The following NF1 variants were observed in gnomAD, a reference collection of about 807,000 sequenced individuals.
The protein encoded by NF1 is neurofibromin 1.
In NF1, 122 loss-of-function variants were observed where a neutral mutation model predicts 325.7. That is an observed-to-expected ratio of 0.37 (90% CI 0.32 to 0.44). NF1 has a LOEUF of 0.44. Among genes scored for constraint, NF1 ranks in the 20% least tolerant of loss-of-function variants. The pLI is 1.00. For synonymous variants in NF1, 1,091 were observed against 1,186.0 expected, an observed-to-expected ratio of 0.92 and a Z score of 1.65; for missense variants, 2,140 against 3,415.4, an observed-to-expected ratio of 0.63 and a Z score of 9.31.
At chr17:31,270,698 C>G (rs2067877235) in intron 36 of NF1, among the ~76,000 whole-genome samples, 1 of 152,154 alleles carries the variant, frequency 6.6e-6, no homozygotes, top group Admixed American at 6.6e-5. Context: ...CTGGCAATTG[C>G]TTTTTGGGTG....
intron 1 of NF1, among the ~76,000 whole-genome samples, chr17:31,122,069 AAGTG>A (rs1388810525): frequency 6.6e-6 from 1 of 152,214 alleles, no homozygotes; most frequent in Non-Finnish European, 1.5e-5. Flanking sequence ...AGTATTAAGC[AAGTG>A]AGTGGCATGC....
Position 31,184,053 on chromosome 17 carries a change from G to A in NF1, c.888+1388G>A, listed in dbSNP as rs139580222. Among the ~76,000 whole-genome samples the A allele has an allele frequency of 9.5e-3, 1,441 of 152,226 alleles. 30 individuals carry two copies. The highest frequency in any genetic ancestry group is 0.033 in the African/African-American group (1,372 of 41,524). ...ACAAGGAGTGTGGTTCTAGAGGAAC[G>A]GAGTATTAAGGATGGAGTTTCTTAG... On this transcript the variant is annotated intron_variant, in intron 8 of 57. Coordinates refer to ENST00000358273, the MANE Select transcript of NF1 (RefSeq NM_001042492.3).
At chr17:31,368,037 TA>T (rs2070564534) in intron 57 of NF1, among the ~76,000 whole-genome samples, 1 of 152,216 alleles carries the variant, frequency 6.6e-6, no homozygotes, top group Admixed American at 6.5e-5. Flanking sequence ...GTCTAATTTA[TA>T]AAAGATGCCT....
chr17:31,121,395 C>CT (rs71142019), intron 1 of NF1, among the ~76,000 whole-genome samples: 4,897 of 92,454 alleles, frequency 0.053, 374 homozygotes, highest in African/African-American at 0.13. Flanking sequence ...AATCACTATT[C>CT]TTTTTTTTTT....
At chr17:31,273,300 GAGGTT>G (rs2067938365) in intron 36 of NF1, among the ~76,000 whole-genome samples, 1 of 152,128 alleles carries the variant, frequency 6.6e-6, no homozygotes, top group Non-Finnish European at 1.5e-5. Context: ...GTGCTGGGAT[GAGGTT>G]TTCTTCATTA....
intron 47 of NF1, among the ~76,000 whole-genome samples, chr17:31,341,059 C>G (rs1047533581): frequency 4.6e-5 from 7 of 151,992 alleles, no homozygotes; most frequent in African/African-American, 1.7e-4. Context: ...TCTCTGCCCC[C>G]CATTTCACAC....
chr17:31,236,868 GA>G (rs2067213218), intron 29 of NF1, among the ~76,000 whole-genome samples: 1 of 152,118 alleles, frequency 6.6e-6, no homozygotes, highest in African/African-American at 2.4e-5. Flanking sequence ...TAACAATTGT[GA>G]CGATTTATGA....
rs770750000 is a variant in NF1 at position 31,259,179 on chromosome 17, C to T, written c.4430+50C>T. On this transcript the variant is annotated intron_variant, in intron 33 of 57. Transcript: ENST00000358273. ...TTGCTCTGTTTGAATCAAATATTTT[C>T]GGTTTCACATAAATCCATGTACCTG... 12 of 1,319,224 alleles carry T rather than the reference C, an allele frequency of 9.1e-6. No individual in the cohort carries two copies. In the Admixed American group the frequency reaches 1.3e-4, roughly 15 times the overall value. The allele number at this position is 1,319,224 out of a possible 1,614,324, so 81.7% of individuals were successfully genotyped here.
chr17:31,320,599 G>C (rs1169485932), intron 36 of NF1: 1 of 535,700 alleles, frequency 1.9e-6, no homozygotes, highest in Admixed American at 3.2e-5. Context: ...AATGCTAACT[G>C]GAGACTATAT....
chr17:31,304,185 C>T (rs2068643298), intron 36 of NF1: 1 of 1,371,568 alleles, frequency 7.3e-7, no homozygotes, highest in East Asian at 2.3e-5. Context: ...TATCAGTTGC[C>T]ATTTTATATA....
In NF1 at chr17:31,374,398, G is replaced by A. The variant is rs1262841648; in HGVS notation, c.*243G>A. ...TGTATCTGGTATATGTAAGTGTTCA[G>A]AACAACTGCAAAGAAAGTGGGAGGT... On this transcript the variant is annotated 3_prime_UTR_variant, in exon 58 of 58. Coordinates refer to ENST00000358273, the MANE Select transcript of NF1 (RefSeq NM_001042492.3). The A allele has an allele frequency of 1.9e-6, 1 of 538,424 alleles. No individual in the cohort carries two copies. Among genetic ancestry groups the A allele is most frequent in the Non-Finnish European group, 3.3e-6 (1 of 300,170 alleles). The allele number at this position is 538,424 out of a possible 1,614,324, so 33.4% of individuals were successfully genotyped here. A position where few individuals can be genotyped will look rare whatever the true frequency, so the allele number is the denominator to read the frequency against.
intron 36 of NF1, chr17:31,318,715 A>G (rs1212399084): frequency 1.2e-6 from 2 of 1,614,136 alleles, no homozygotes; most frequent in Admixed American, 1.7e-5. Flanking sequence ...ACTGTTGCTG[A>G]CGACAGAAGG....
chr17:31,365,047 C>G (rs544510963), intron 57 of NF1, among the ~76,000 whole-genome samples: 3 of 151,974 alleles, frequency 2.0e-5, no homozygotes, highest in Admixed American at 6.6e-5. Context: ...GCCTGTAATC[C>G]TAACACTTTT....
intron 36 of NF1, chr17:31,296,260 G>C: frequency 6.2e-7 from 1 of 1,614,074 alleles, no homozygotes; most frequent in Non-Finnish European, 8.5e-7. Flanking sequence ...GAGGACAAAT[G>C]CATAAAATAC....
At chr17:31,101,591 G>T (rs1912346674) in intron 1 of NF1, among the ~76,000 whole-genome samples, 1 of 152,118 alleles carries the variant, frequency 6.6e-6, no homozygotes, top group South Asian at 2.1e-4. Context: ...AGTCTCTTCT[G>T]TGTGTATCAT....
intron 12 of NF1, among the ~76,000 whole-genome samples, chr17:31,208,481 CTT>C (rs969280022): frequency 6.6e-6 from 1 of 152,204 alleles, no homozygotes; most frequent in African/African-American, 2.4e-5. Context: ...ACCTTCTACT[CTT>C]TGCCAGGCAA....
intron 8 of NF1, among the ~76,000 whole-genome samples, chr17:31,188,937 G>T (rs1354866542): frequency 6.6e-6 from 1 of 152,088 alleles, no homozygotes; most frequent in African/African-American, 2.4e-5. Context: ...TCGTGATCGT[G>T]TAAGTTAATG....
At chr17:31,217,057 A>T (rs1467907996) in intron 13 of NF1, among the ~76,000 whole-genome samples, 1 of 152,104 alleles carries the variant, frequency 6.6e-6, no homozygotes, top group African/African-American at 2.4e-5. Context: ...TATTTCATTG[A>T]TGATATCTTC....
rs777399429 is a variant in NF1, at chr17:31,340,603, A to G, written c.7020A>G (p.Gln2340=). ...LYSAGTALLE[Q]NLHTLDSLRI... is the part of the protein sequence containing the mutation. ...CAGCAGGTACCGCACTTCTTGAACA[A>G]AACCTGCATACTTTAGATAGTCTCC... is the stretch of plus-strand genomic sequence containing the variant. The change falls in exon 47 of 58, where the codon CAA becomes CAG. Residue 2340 remains glutamine (Q), a synonymous_variant. Coordinates refer to ENST00000358273, the MANE Select transcript of NF1 (RefSeq NM_001042492.3). The G allele has an allele frequency of 6.2e-7, 1 of 1,614,030 alleles. No homozygotes were observed. The highest frequency in any genetic ancestry group is 1.3e-5 in the African/African-American group (1 of 74,920).
Sources: gnomAD v4.1 joint callset for allele counts (sites outside exome capture counted in the v4.1 genomes callset) on GRCh38, gnomAD v4.1.1 for gene constraint, MANE v1.5 for transcripts, NCBI Gene and HGNC (gene_info 2026-07-23, HGNC 2026-07-21) for gene names.